Variants in GPATCH1 observed in about 807,000 individuals in gnomAD.
GPATCH1 encodes G patch domain-containing protein 1.
In GPATCH1, 73 loss-of-function variants were observed where a neutral mutation model predicts 114.9. That is an observed-to-expected ratio of 0.64 (90% CI 0.53 to 0.77). The LOEUF (loss-of-function observed/expected upper bound fraction) is 0.77, where lower values mean the gene tolerates loss of function less well. Among genes scored for constraint, GPATCH1 ranks in the 30% least tolerant of loss-of-function variants. The probability of loss-of-function intolerance (pLI) is 0.00; values close to 1 mark genes in which losing one functional copy is unlikely to be tolerated. For missense variants in GPATCH1, 1,058 were observed against 1,144.3 expected, an observed-to-expected ratio of 0.92 and a Z score of 1.09; for synonymous variants, 391 against 428.4, an observed-to-expected ratio of 0.91 and a Z score of 1.08.
chr19:33,092,910 G>A (rs1427305475), intron 3 of GPATCH1, among the ~76,000 whole-genome samples: 1 of 152,066 alleles, frequency 6.6e-6, no homozygotes, highest in Non-Finnish European at 1.5e-5. Flanking sequence ...AGTGTGAGGC[G>A]GGGCACGGTG....
intron 10 of GPATCH1, 112 bp from the exon 11 acceptor site, chr19:33,109,605 A>T (rs1033597051): frequency 6.3e-6 from 4 of 632,498 alleles, no homozygotes; most frequent in Non-Finnish European, 1.1e-5. Context: ...TAAACATAAA[A>T]TCCTCATCCC....
rs1972859290 is a variant in GPATCH1, at chr19:33,111,853, C to G, written c.1715C>G (p.Ala572Gly). ...HSTLSSRFTH[A>G]KEEDDSDQVE... ...ACCTTGTCCTCCAGGTTCACTCACG[C>G]CAAGGAGGAGGATGACTCAGATCAG... is the stretch of plus-strand genomic sequence containing the variant. The change falls in exon 12 of 20, where the codon GCC (alanine) becomes GGC (glycine). Residue 572 changes from alanine to glycine, a missense_variant. Around this residue, in one of 3 missense-constraint regions of GPATCH1, gnomAD observed 893 missense variants for 977.4 expected, o/e 0.91. Transcript: ENST00000170564. 1.2e-6 allele frequency: 2 copies of G among 1,613,926 alleles called. No homozygotes were observed. The highest frequency in any genetic ancestry group is 2.7e-5 in the African/African-American group (2 of 74,924).
At chr19:33,123,427 GA>G (rs201988711) in intron 17 of GPATCH1, among the ~76,000 whole-genome samples, 106 of 145,046 alleles carry the variant, frequency 7.3e-4, no homozygotes, top group African/African-American at 1.8e-3. Context: ...AAGAATTTTG[GA>G]AAAAAAAAAA....
chr19:33,097,622 C>T (rs912519292), intron 7 of GPATCH1, 133 bp from the exon 8 acceptor site: 69 of 788,398 alleles, frequency 8.8e-5, no homozygotes, highest in Admixed American at 1.4e-4. Context: ...TCTGGGACCC[C>T]CGTTCACTTC....
In GPATCH1 at chr19:33,130,209, A is replaced by T; in HGVS notation, c.*49A>T. On this transcript the variant is annotated 3_prime_UTR_variant, in exon 20 of 20. Transcript: ENST00000170564. ...TAGAATCATTTCTCCTCCATGATGG[A>T]AGCCCAGTGATTGTTCAGTTAACGC... The T allele has an allele frequency of 7.6e-7, 1 of 1,311,846 alleles. No individual in the cohort carries two copies. The highest frequency in any genetic ancestry group is 1.2e-5 in the South Asian group (1 of 84,784). 81.3% of individuals were successfully genotyped at this position (1,311,846 alleles called of 1,614,324 possible).
At chr19:33,126,785 G>A (rs1426386749) in intron 19 of GPATCH1, 52 bp downstream of exon 19, 1 of 1,418,500 alleles carries the variant, frequency 7.0e-7, no homozygotes, top group Non-Finnish European at 9.7e-7. Context: ...GGCTTATTGA[G>A]TGCTTGATGT....
intron 10 of GPATCH1, 98 bp from the exon 11 acceptor site, chr19:33,109,619 T>G: frequency 1.5e-6 from 1 of 677,700 alleles, no homozygotes; most frequent in Non-Finnish European, 2.4e-6. Flanking sequence ...TCATCCCCAA[T>G]TATGTAAATT....
At position 33,126,670 on chromosome 19, in the gene GPATCH1, ACAG is replaced by A; in HGVS notation, c.2707_2709del (p.Ser903del). 2.5e-6 allele frequency: 4 copies of A among 1,614,172 alleles called. No individual in the cohort carries two copies. Among genetic ancestry groups the A allele is most frequent in the Non-Finnish European group, 3.4e-6 (4 of 1,180,030 alleles). On this transcript the variant is annotated inframe_deletion, in exon 19 of 20. Transcript: ENST00000170564. ...AAAAGTAGTAGCTCCGAGAGTTCCG[ACAG>A]CAGCGACAGCCAGAGTGACGAGGAA...
At chr19:33,097,684 T>C (rs1344517197) in intron 7 of GPATCH1, 71 bp from the exon 8 acceptor site, 3 of 1,374,554 alleles carry the variant, frequency 2.2e-6, no homozygotes, top group South Asian at 1.2e-5. Flanking sequence ...ATCCTTAAAG[T>C]AGCTTTATCC....
In GPATCH1 at chr19:33,110,653, A is replaced by T. The variant is rs564553082; in HGVS notation, c.1585+637A>T. Among the ~76,000 whole-genome samples, 825 of 87,646 alleles carry T rather than the reference A, an allele frequency of 9.4e-3. 7 individuals are homozygous for T. Among genetic ancestry groups the T allele is most frequent in the African/African-American group, 0.053 (777 of 14,638 alleles). 57.5% of individuals were successfully genotyped at this position (87,646 alleles called of 152,430 possible). ...TACATCACTAATGTTTATTTGCTTTAAAAAAAAAAAACGGTTAGTGAAAGA... is the reference window on the plus strand; with the variant it reads ...TACATCACTAATGTTTATTTGCTTTTAAAAAAAAAAACGGTTAGTGAAAGA... On this transcript the variant is annotated intron_variant, in intron 11 of 19. Coordinates refer to ENST00000170564, the MANE Select transcript of GPATCH1 (RefSeq NM_018025.3).
At chr19:33,102,516 C>T (rs935405793) in intron 9 of GPATCH1, among the ~76,000 whole-genome samples, 44 of 150,010 alleles carry the variant, frequency 2.9e-4, no homozygotes, top group Non-Finnish European at 6.0e-4. Flanking sequence ...CCTGCCTCAT[C>T]CTCCTGAGTA....
At chr19:33,110,291 T>G (rs1302513407) in intron 11 of GPATCH1, among the ~76,000 whole-genome samples, 1 of 152,200 alleles carries the variant, frequency 6.6e-6, no homozygotes, top group Non-Finnish European at 1.5e-5. Flanking sequence ...CGTTTGGTGT[T>G]TGCAAGTGCT....
chr19:33,118,758 G>T (rs557286140), intron 16 of GPATCH1, among the ~76,000 whole-genome samples: 2 of 152,300 alleles, frequency 1.3e-5, no homozygotes, highest in South Asian at 2.1e-4. Flanking sequence ...GTGCCCACGG[G>T]TGCACTTGGC....
In GPATCH1 at chr19:33,095,763, T is replaced by A. The variant is rs780849806; in HGVS notation, c.555T>A (p.Asp185Glu). The A allele has an allele frequency of 1.4e-5, 23 of 1,607,988 alleles. No individual in the cohort carries two copies. The South Asian group carries it at 1.9e-4, about 13-fold the overall frequency. The change falls in exon 6 of 20, where the codon GAT becomes GAA. Residue 185 changes from aspartate to glutamate, a missense_variant and splice_region_variant. Around this residue, in one of 3 missense-constraint regions of GPATCH1, gnomAD observed 893 missense variants for 977.4 expected, o/e 0.91. Transcript: ENST00000170564. The part of the protein sequence containing the change: ...VKRRPRRQKP[D>E]PGVKIYGCAL... ...TTGCATTTGAAATCTCTTTTCTAGA[T>A]CCTGGAGTCAAAATCTATGGCTGTG...
chr19:33,128,668 G>A (rs561697517), intron 19 of GPATCH1, among the ~76,000 whole-genome samples: 3 of 152,044 alleles, frequency 2.0e-5, no homozygotes, highest in Admixed American at 6.5e-5. Flanking sequence ...GAGCCGCTGC[G>A]CAGGCCTGCT....
intron 4 of GPATCH1, 24 bp from the exon 5 acceptor site, chr19:33,094,148 A>G (rs1260978887): frequency 4.0e-6 from 5 of 1,239,608 alleles, no homozygotes; most frequent in African/African-American, 1.5e-5. Context: ...TGAAAAGTTC[A>G]TTTTCAATGC....
chr19:33,103,709 G>GA (rs1011621347), intron 9 of GPATCH1, among the ~76,000 whole-genome samples: 8 of 149,804 alleles, frequency 5.3e-5, no homozygotes, highest in East Asian at 2.0e-4. Flanking sequence ...CTCAAAAAAA[G>GA]AAAAAAAAAG....
chr19:33,111,697 G>A (rs1258971334), intron 11 of GPATCH1, 27 bp from the exon 12 acceptor site: 14 of 1,609,350 alleles, frequency 8.7e-6, no homozygotes, highest in Middle Eastern at 2.0e-4. Context: ...GAAAAGTGAA[G>A]CTGCTTCTTG....
chr19:33,124,111 C>T (rs1451521785), intron 17 of GPATCH1, among the ~76,000 whole-genome samples: 4 of 152,114 alleles, frequency 2.6e-5, no homozygotes, highest in African/African-American at 9.7e-5. Context: ...ACCTCAGCCT[C>T]CCAAAGTGCT....
Sources: gnomAD v4.1 joint callset for allele counts (sites outside exome capture counted in the v4.1 genomes callset) on GRCh38, gnomAD v4.1.1 for gene constraint, gnomAD v4.1.1 regional missense constraint, MANE v1.5 for transcripts, NCBI Gene and HGNC (gene_info 2026-07-23, HGNC 2026-07-21) for gene names.